NELL2: variants seen among roughly 807,000 people sequenced by gnomAD.
NELL2 encodes the protein neural EGFL like 2.
In NELL2, 41 loss-of-function variants were observed where a neutral mutation model predicts 109.6. The observed-to-expected ratio is 0.37, with a 90% CI of 0.29 to 0.49. The LOEUF (loss-of-function observed/expected upper bound fraction) is 0.49, where lower values mean the gene tolerates loss of function less well. Among genes scored for constraint, NELL2 ranks in the 20% least tolerant of loss-of-function variants. NELL2 has a pLI of 0.98. For synonymous variants in NELL2, 355 were observed against 344.7 expected, an observed-to-expected ratio of 1.03 and a Z score of -0.33; for missense variants, 900 against 1,008.3, an observed-to-expected ratio of 0.89 and a Z score of 1.45.
chr12:44,750,460 T>C (rs1566308123), intron 9 of NELL2, among the ~76,000 whole-genome samples: 1 of 152,160 alleles, frequency 6.6e-6, no homozygotes, highest in Non-Finnish European at 1.5e-5. Flanking sequence ...GCAGCCATAT[T>C]ATGTAAAGCA....
rs575807695 is a variant in NELL2 at position 44,795,157 on chromosome 12, A to C, written c.336-15135T>G. Among the ~76,000 whole-genome samples the C allele has an allele frequency of 2.5e-4, 38 of 152,334 alleles. 1 individual carries two copies. In the South Asian group the frequency reaches 7.9e-3, roughly 32 times the overall value. On this transcript the variant is annotated intron_variant, in intron 3 of 19. Transcript: ENST00000429094. ...ACAAAAAGGTTGCACACAACATGAAATGAGAATTTTTTCTGCTGCCTTAAA... is the reference window on the plus strand; with the variant it reads ...ACAAAAAGGTTGCACACAACATGAACTGAGAATTTTTTCTGCTGCCTTAAA...
At chr12:44,599,959 C>CTT in intron 15 of NELL2, among the ~76,000 whole-genome samples, 1 of 131,664 alleles carries the variant, frequency 7.6e-6, no homozygotes, top group Non-Finnish European at 1.6e-5. Context: ...CCTAGAATTC[C>CTT]GTTTTTTTTT....
chr12:44,605,894 G>C (rs930950759), intron 15 of NELL2, among the ~76,000 whole-genome samples: 2 of 152,062 alleles, frequency 1.3e-5, no homozygotes, highest in African/African-American at 2.4e-5. Flanking sequence ...AAACATGAGA[G>C]GACTACTGCA....
intron 2 of NELL2, among the ~76,000 whole-genome samples, chr12:44,865,928 G>A (rs112434107): frequency 1.3e-5 from 2 of 151,684 alleles, no homozygotes; most frequent in African/African-American, 4.8e-5. Flanking sequence ...ACGTCTTTCC[G>A]AGATTCAAAT....
chr12:44,899,747 A>C (rs1428406816), intron 1 of NELL2, among the ~76,000 whole-genome samples: 3 of 152,198 alleles, frequency 2.0e-5, no homozygotes, highest in Admixed American at 2.0e-4. Context: ...ACAGGACCAA[A>C]TTCACACATA....
intron 1 of NELL2, among the ~76,000 whole-genome samples, chr12:44,897,497 C>T (rs1279829896): frequency 6.6e-6 from 1 of 152,094 alleles, no homozygotes; most frequent in Non-Finnish European, 1.5e-5. Flanking sequence ...GGCGTCACCT[C>T]ACCAAGGAAG....
At chr12:44,699,032 G>C (rs1337317207) in intron 12 of NELL2, among the ~76,000 whole-genome samples, 3 of 152,102 alleles carry the variant, frequency 2.0e-5, no homozygotes, top group Admixed American at 2.0e-4. Flanking sequence ...TGGAATGTGA[G>C]GATAGAAGAT....
chr12:44,902,904 TG>T (rs1166512153), intron 1 of NELL2, among the ~76,000 whole-genome samples: 1 of 152,086 alleles, frequency 6.6e-6, no homozygotes, highest in African/African-American at 2.4e-5. Flanking sequence ...AAATTAACTC[TG>T]GATGGATTAA....
intron 9 of NELL2, among the ~76,000 whole-genome samples, chr12:44,746,707 A>T (rs1302391393): frequency 1.3e-5 from 2 of 152,238 alleles, no homozygotes; most frequent in Admixed American, 1.3e-4. Context: ...AATGCTCATC[A>T]TCACTGGCCA....
chr12:44,846,143 C>T (rs1944362919), intron 2 of NELL2, among the ~76,000 whole-genome samples: 3 of 152,094 alleles, frequency 2.0e-5, no homozygotes, highest in Admixed American at 2.0e-4. Context: ...TGGTTTAAGG[C>T]CATTTAAGAG....
At chr12:44,688,786 G>C (rs1403509140) in intron 12 of NELL2, among the ~76,000 whole-genome samples, 2 of 152,196 alleles carry the variant, frequency 1.3e-5, no homozygotes, top group Non-Finnish European at 2.9e-5. Context: ...AATCTGCAAA[G>C]TGTGTATTCA....
rs1555217768 is a variant in NELL2, at chr12:44,791,117, A to ATG, written c.336-11096_336-11095insCA. Among the ~76,000 whole-genome samples the ATG allele has an allele frequency of 1.1e-3, 13 of 11,518 alleles. 1 individual carries two copies. The highest frequency in any genetic ancestry group is 3.3e-3 in the African/African-American group (9 of 2,714). The allele number at this position is 11,518 out of a possible 152,430, so 7.6% of individuals were successfully genotyped here. ...TATATGTATATATATATGTATATAT[A>ATG]TATGTATATATATATATACACACGC... On this transcript the variant is annotated intron_variant, in intron 3 of 19. Transcript: ENST00000429094.
At chr12:44,808,058 T>G (rs1267445718) in intron 3 of NELL2, among the ~76,000 whole-genome samples, 1 of 152,076 alleles carries the variant, frequency 6.6e-6, no homozygotes, top group Non-Finnish European at 1.5e-5. Flanking sequence ...CTTGGTCCTC[T>G]GCATCCCCAT....
chr12:44,645,198 G>A (rs1028750191), intron 13 of NELL2, among the ~76,000 whole-genome samples: 1 of 152,050 alleles, frequency 6.6e-6, no homozygotes, highest in Non-Finnish European at 1.5e-5. Context: ...GGAGAGGGAG[G>A]GAGGGGACAC....
At chr12:44,783,424 C>A (rs1175886927) in intron 3 of NELL2, among the ~76,000 whole-genome samples, 1 of 151,398 alleles carries the variant, frequency 6.6e-6, no homozygotes, top group Non-Finnish European at 1.5e-5. Flanking sequence ...AATCAATGAA[C>A]CACAAGCTGG....
chr12:44,731,921 A>C (rs1340388797), intron 9 of NELL2, among the ~76,000 whole-genome samples: 3 of 152,074 alleles, frequency 2.0e-5, no homozygotes, highest in African/African-American at 4.8e-5. Context: ...TTGTGCGCCT[A>C]AACTCTAACA....
At chr12:44,655,317 T>C (rs1426340824) in intron 13 of NELL2, among the ~76,000 whole-genome samples, 2 of 152,128 alleles carry the variant, frequency 1.3e-5, no homozygotes, top group East Asian at 1.9e-4. Flanking sequence ...TATATGGATA[T>C]GACAGATGCA....
Position 44,876,092 on chromosome 12 carries a change from C to CGCAGGGCCGAGGCG in NELL2, c.-237_-224dup, listed in dbSNP as rs965259548. The CGCAGGGCCGAGGCG allele has an allele frequency of 1.3e-5, 17 of 1,353,932 alleles. No homozygotes were observed. The highest frequency in any genetic ancestry group is 1.5e-5 in the Non-Finnish European group (16 of 1,054,380). The allele number at this position is 1,353,932 out of a possible 1,614,324, so 83.9% of individuals were successfully genotyped here. A position where few individuals can be genotyped will look rare whatever the true frequency, so the allele number is the denominator to read the frequency against. On this transcript the variant is annotated 5_prime_UTR_variant, in exon 1 of 20. Coordinates refer to ENST00000429094, the MANE Select transcript of NELL2 (RefSeq NM_001145108.2). ...CTCCAATGCGCACATCATTCCCACA[C>CGCAGGGCCGAGGCG]GCAGGGCCGAGGCGGCAGCGCGGCC...
At chr12:44,876,982 G>C, upstream of NELL2, 2 of 931,352 alleles carry the variant, frequency 2.1e-6, no homozygotes, top group Non-Finnish European at 2.8e-6. Context: ...CAGAGAACTT[G>C]GCCAGGAGGT....
Sources: allele counts gnomAD v4.1 joint callset (sites outside exome capture counted in the v4.1 genomes callset), GRCh38; gene constraint gnomAD v4.1.1; transcripts MANE v1.5; gene names NCBI Gene and HGNC (gene_info 2026-07-23, HGNC 2026-07-21).